SEC14L5: variants seen among roughly 807,000 people sequenced by gnomAD.
SEC14L5 encodes the protein SEC14-like protein 5.
SEC14L5 carries 96 observed loss-of-function variants against 84.6 expected under a neutral mutation model. The observed-to-expected ratio is 1.13, with a 90% CI of 0.96 to 1.34. SEC14L5 has a LOEUF of 1.34. Ranked by LOEUF, SEC14L5 falls within the 40% of genes most tolerant of loss-of-function variation. The pLI is 0.00. For synonymous variants in SEC14L5, 546 were observed against 383.4 expected, an observed-to-expected ratio of 1.42 and a Z score of -4.95; for missense variants, 1,224 against 942.5, an observed-to-expected ratio of 1.30 and a Z score of -3.91.
intron 6 of SEC14L5, among the ~76,000 whole-genome samples, chr16:4,995,974 G>A (rs1254955879): frequency 1.3e-5 from 2 of 152,108 alleles, no homozygotes; most frequent in Admixed American, 1.3e-4. Flanking sequence ...GCCTCACAGG[G>A]GTGTGGAGAG....
At chr16:5,002,489 G>A (rs969826510) in intron 10 of SEC14L5, among the ~76,000 whole-genome samples, 8 of 152,006 alleles carry the variant, frequency 5.3e-5, no homozygotes. Context: ...TAGAGATGGG[G>A]TTTCACCATG....
At chr16:5,000,581 C>T (rs1255937472) in intron 8 of SEC14L5, 74 bp from the exon 9 acceptor site, 9 of 1,158,040 alleles carry the variant, frequency 7.8e-6, no homozygotes, top group African/African-American at 7.7e-5. Context: ...CTCTCACCTG[C>T]AGCTGTGACC....
At chr16:5,000,590 C>A in intron 8 of SEC14L5, 65 bp from the exon 9 acceptor site, 1 of 1,265,820 alleles carries the variant, frequency 7.9e-7, no homozygotes, top group Non-Finnish European at 1.1e-6. Context: ...GCAGCTGTGA[C>A]CTGCCCCTCG....
At chr16:4,999,602 A>G (rs1596637027) in intron 8 of SEC14L5, among the ~76,000 whole-genome samples, 1 of 152,030 alleles carries the variant, frequency 6.6e-6, no homozygotes, top group African/African-American at 2.4e-5. Flanking sequence ...CCTGGGTGAC[A>G]GAGTGAAACC....
In SEC14L5 at chr16:4,988,186, A is replaced by C; in HGVS notation, c.251A>C (p.Asn84Thr). ...GAGCACGTGGTCTTCGTGCAGACAAACATCTTGAACTGGAAGGAGAGGACG... is the reference window on the plus strand; with the variant it reads ...GAGCACGTGGTCTTCGTGCAGACAACCATCTTGAACTGGAAGGAGAGGACG... The part of the protein sequence containing the change: ...GVEHVVFVQT[N>T]ILNWKERTLL... The change falls in exon 4 of 16, where the codon AAC (asparagine) becomes ACC (threonine). Residue 84 changes from asparagine to threonine, a missense_variant. By Grantham distance (65) the Asn-to-Thr change is moderately conservative. Coordinates refer to ENST00000251170, the MANE Select transcript of SEC14L5 (RefSeq NM_014692.2). 1 of 1,613,816 alleles carries C rather than the reference A, an allele frequency of 6.2e-7. No homozygotes were observed. Among genetic ancestry groups the C allele is most frequent in the Non-Finnish European group, 8.5e-7 (1 of 1,179,792 alleles).
At chr16:4,967,562 G>GTTT (rs869061549) in intron 2 of SEC14L5, among the ~76,000 whole-genome samples, 11 of 37,112 alleles carry the variant, frequency 3.0e-4, no homozygotes, top group African/African-American at 7.1e-4. Flanking sequence ...TCTTTCTTTC[G>GTTT]TTTTTTTTTT....
At chr16:5,002,806 A>G (rs1955691558) in intron 10 of SEC14L5, among the ~76,000 whole-genome samples, 1 of 152,198 alleles carries the variant, frequency 6.6e-6, no homozygotes, top group Non-Finnish European at 1.5e-5. Flanking sequence ...CAGAACTGGG[A>G]TTTGAACCTT....
chr16:4,973,044 A>T (rs1955298927), intron 2 of SEC14L5, among the ~76,000 whole-genome samples: 4 of 152,220 alleles, frequency 2.6e-5, no homozygotes, highest in Admixed American at 2.6e-4. Flanking sequence ...TGGTGATGCT[A>T]CTTCAGCAGT....
intron 10 of SEC14L5, among the ~76,000 whole-genome samples, 151 bp downstream of exon 10, chr16:5,001,076 G>A (rs918569483): frequency 6.6e-6 from 1 of 152,062 alleles, no homozygotes; most frequent in African/African-American, 2.4e-5. Context: ...CTTGAGGCAG[G>A]GCCCGTAAGC....
chr16:5,002,291 T>C (rs1200801881), intron 10 of SEC14L5, among the ~76,000 whole-genome samples: 3 of 135,918 alleles, frequency 2.2e-5, no homozygotes, highest in Non-Finnish European at 4.6e-5. Flanking sequence ...TCCTTTGCTG[T>C]TTGCAGATTT....
intron 10 of SEC14L5, 33 bp downstream of exon 10, chr16:5,000,958 A>T (rs756769867): frequency 5.8e-6 from 9 of 1,551,124 alleles, no homozygotes; most frequent in Non-Finnish European, 7.9e-6. Context: ...AATCCCCCCT[A>T]AACAGCAAAG....
At chr16:5,013,793 A>C (rs1307716386) in intron 15 of SEC14L5, among the ~76,000 whole-genome samples, 1 of 152,032 alleles carries the variant, frequency 6.6e-6, no homozygotes, top group Non-Finnish European at 1.5e-5. Context: ...CCTGGCCTCA[A>C]GCAATCCACC....
At chr16:4,997,755 A>G (rs1190826863) in intron 8 of SEC14L5, among the ~76,000 whole-genome samples, 1 of 152,116 alleles carries the variant, frequency 6.6e-6, no homozygotes, top group African/African-American at 2.4e-5. Flanking sequence ...TCCCTCTGAA[A>G]GTTCTAGGGG....
intron 11 of SEC14L5, among the ~76,000 whole-genome samples, chr16:5,004,347 A>T (rs890073350): frequency 6.6e-6 from 1 of 152,008 alleles, no homozygotes; most frequent in African/African-American, 2.4e-5. Flanking sequence ...AATCTCCGGG[A>T]AAATTAAGTC....
Position 4,981,235 on chromosome 16 carries a change from C to T in SEC14L5, c.64-6322C>T, listed in dbSNP as rs564284824. Among the ~76,000 whole-genome samples, 15 of 148,826 alleles carry T rather than the reference C, an allele frequency of 1.0e-4. No individual in the cohort carries two copies. The South Asian group carries it at 1.9e-3, about 19-fold the overall frequency. On this transcript the variant is annotated intron_variant, in intron 2 of 15. Transcript: ENST00000251170. ...TAGTAGCTGGGATTACAGGCATGCACCAGCACGTCTAGCTAATTGGTTTTT... is the reference window on the plus strand; with the variant it reads ...TAGTAGCTGGGATTACAGGCATGCATCAGCACGTCTAGCTAATTGGTTTTT...
At chr16:4,995,626 T>C (rs67687314) in intron 6 of SEC14L5, among the ~76,000 whole-genome samples, 25,045 of 125,398 alleles carry the variant, frequency 0.2, 2,683 homozygotes, top group Non-Finnish European at 0.25. Flanking sequence ...CTCTCTCTCT[T>C]TTTTTTTTTT....
chr16:4,986,840 C>T (rs1040341300), intron 2 of SEC14L5, among the ~76,000 whole-genome samples: 1 of 152,082 alleles, frequency 6.6e-6, no homozygotes, highest in African/African-American at 2.4e-5. Context: ...ATTGTTAGTA[C>T]ATAGAAATAC....
intron 2 of SEC14L5, chr16:4,960,635 TCCC>T (rs1955110484): frequency 6.6e-6 from 1 of 152,102 alleles, no homozygotes; most frequent in Non-Finnish European, 1.5e-5. Flanking sequence ...ATATTCTAGC[TCCC>T]CAATTGACGA....
At chr16:4,967,284 C>A (rs893458406) in intron 2 of SEC14L5, among the ~76,000 whole-genome samples, 1 of 152,178 alleles carries the variant, frequency 6.6e-6, no homozygotes, top group African/African-American at 2.4e-5. Context: ...CCAGTCCTCA[C>A]ATAATGACTC....
Sources: gnomAD v4.1 joint callset for allele counts (sites outside exome capture counted in the v4.1 genomes callset) on GRCh38, gnomAD v4.1.1 for gene constraint, MANE v1.5 for transcripts, NCBI Gene and HGNC (gene_info 2026-07-23, HGNC 2026-07-21) for gene names.